Variants in TENM2 observed in about 807,000 individuals in gnomAD.
TENM2 encodes the protein teneurin transmembrane protein 2.
In TENM2, 52 loss-of-function variants were observed where a neutral mutation model predicts 245.2. That is an observed-to-expected ratio of 0.21 (90% CI 0.17 to 0.27). TENM2 has a LOEUF of 0.27. Ranked by LOEUF, TENM2 falls within the 10% of genes least tolerant of loss-of-function variation. The probability of loss-of-function intolerance (pLI) is 1.00; values close to 1 mark genes in which losing one functional copy is unlikely to be tolerated. For missense variants in TENM2, 3,046 were observed against 3,666.8 expected (o/e 0.83, Z 4.37); for synonymous variants, 1,363 against 1,438.9 (o/e 0.95, Z 1.19).
chr5:167,462,965 A>G lies in TENM2; in HGVS notation c.502+87492A>G, dbSNP rs62388836. Reference sequence around the variant, plus strand: ...GTAAATGACAAATGCAATGAACTCTATAGTCTTCAATGAGCCAAAAGCATA... The same window carrying G: ...GTAAATGACAAATGCAATGAACTCTGTAGTCTTCAATGAGCCAAAAGCATA... On this transcript the variant is annotated intron_variant, in intron 2 of 28. Transcript: ENST00000518659. Among the ~76,000 whole-genome samples the G allele has an allele frequency of 1.7e-3, 263 of 152,162 alleles. 1 individual carries two copies. Among genetic ancestry groups the G allele is most frequent in the Non-Finnish European group, 2.6e-3 (179 of 68,000 alleles).
At chr5:167,681,863 T>G (rs1366812222) in intron 2 of TENM2, among the ~76,000 whole-genome samples, 1 of 152,102 alleles carries the variant, frequency 6.6e-6, no homozygotes, top group African/African-American at 2.4e-5. Flanking sequence ...AGATGTTACT[T>G]CCAAATCACC....
At chr5:167,383,342 C>T (rs888116068) in intron 2 of TENM2, among the ~76,000 whole-genome samples, 6 of 152,126 alleles carry the variant, frequency 3.9e-5, no homozygotes, top group African/African-American at 1.4e-4. Flanking sequence ...GGTCATCTTA[C>T]ATCAAGGAGC....
intron 2 of TENM2, among the ~76,000 whole-genome samples, chr5:167,569,428 G>T (rs947331561): frequency 6.6e-6 from 1 of 152,052 alleles, no homozygotes; most frequent in African/African-American, 2.4e-5. Context: ...GAAGAACGGG[G>T]CACAAACCAG....
Position 168,244,744 on chromosome 5 carries a change from A to C in TENM2, c.5817+28A>C. On this transcript the variant is annotated intron_variant, in intron 26 of 28. Transcript: ENST00000518659. The surrounding 1 kb of genome is among the most constrained non-coding windows in gnomAD (Gnocchi z 4.9). ...AGGTGAACATGCTGCCCTGACAGCAAGGGCTTTCTGTTATTTCTGTTATTC... is the reference window on the plus strand; with the variant it reads ...AGGTGAACATGCTGCCCTGACAGCACGGGCTTTCTGTTATTTCTGTTATTC... The C allele has an allele frequency of 7.2e-7, 1 of 1,388,236 alleles. No homozygotes were observed. The highest frequency in any genetic ancestry group is 9.4e-7 in the Non-Finnish European group (1 of 1,058,240). 86.0% of individuals were successfully genotyped at this position (1,388,236 alleles called of 1,614,324 possible). A position where few individuals can be genotyped will look rare whatever the true frequency, so the allele number is the denominator to read the frequency against.
chr5:167,098,050 A>G, the TENM2 span, among the ~76,000 whole-genome samples: 56 of 152,066 alleles, frequency 3.7e-4, 1 homozygote, highest in Admixed American at 3.7e-3. Flanking sequence ...TCAGTCGTGC[A>G]TTTCTATACC....
intron 2 of TENM2, among the ~76,000 whole-genome samples, chr5:167,659,459 G>C (rs748448094): frequency 6.6e-6 from 1 of 152,056 alleles, no homozygotes; most frequent in Non-Finnish European, 1.5e-5. Context: ...CTGAAAATGT[G>C]GTTGAATACA....
intron 3 of TENM2, among the ~76,000 whole-genome samples, chr5:167,911,028 A>G (rs1776504618): frequency 6.6e-6 from 1 of 152,220 alleles, no homozygotes; most frequent in Admixed American, 6.5e-5. Context: ...AAAAAACGTA[A>G]ACTTCTTATT....
At chr5:167,888,118 G>A (rs1212451330) in intron 3 of TENM2, among the ~76,000 whole-genome samples, 3 of 152,158 alleles carry the variant, frequency 2.0e-5, no homozygotes, top group Non-Finnish European at 4.4e-5. Flanking sequence ...ATCCAAATAA[G>A]GTCACATTCC....
chr5:167,196,489 T>C, the TENM2 span, among the ~76,000 whole-genome samples: 1 of 147,630 alleles, frequency 6.8e-6, no homozygotes, highest in Non-Finnish European at 1.5e-5. Flanking sequence ...TATGTGTGTA[T>C]ATATATATGT....
chr5:167,579,141 A>G (rs1239762928), intron 2 of TENM2, among the ~76,000 whole-genome samples: 1 of 152,158 alleles, frequency 6.6e-6, no homozygotes, highest in Non-Finnish European at 1.5e-5. Flanking sequence ...TGCCCATGAC[A>G]TTCACACTTG....
At chr5:167,896,541 G>A (rs912190501) in intron 3 of TENM2, among the ~76,000 whole-genome samples, 6 of 152,084 alleles carry the variant, frequency 3.9e-5, no homozygotes, top group African/African-American at 9.7e-5. Context: ...TGATGAGGGC[G>A]GTACAAAGAG....
At chr5:167,564,009 T>C (rs1183325969) in intron 2 of TENM2, among the ~76,000 whole-genome samples, 1 of 152,210 alleles carries the variant, frequency 6.6e-6, no homozygotes, top group East Asian at 1.9e-4. Context: ...CTGTACTTAC[T>C]AAGTCTATCC....
intron 2 of TENM2, among the ~76,000 whole-genome samples, chr5:167,565,293 G>A (rs1409704519): frequency 1.3e-5 from 2 of 152,152 alleles, no homozygotes; most frequent in Admixed American, 1.3e-4. Flanking sequence ...ATTATTCAAC[G>A]AGTTTTCTGT....
At chr5:168,262,553 G>A (rs1368759488) in exon 29 of TENM2, 13 of 1,559,368 alleles carry the variant, frequency 8.3e-6, no homozygotes, top group South Asian at 2.4e-5. Context: ...CACCCTGGAC[G>A]AAGAGAAGGC....
intron 13 of TENM2, 66 bp from the exon 16 acceptor site, chr5:168,190,271 T>G: frequency 7.8e-7 from 1 of 1,274,992 alleles, no homozygotes; most frequent in Non-Finnish European, 1.1e-6. Flanking sequence ...AACAAAGGTG[T>G]TAGTGTCTCC....
At chr5:167,561,642 C>T (rs1428882241) in intron 2 of TENM2, among the ~76,000 whole-genome samples, 1 of 152,186 alleles carries the variant, frequency 6.6e-6, no homozygotes, top group Non-Finnish European at 1.5e-5. Flanking sequence ...ATTAATTTCC[C>T]AGGTACTACT....
the TENM2 span, among the ~76,000 whole-genome samples, chr5:167,150,215 T>TC: frequency 1.3e-5 from 2 of 152,162 alleles, no homozygotes; most frequent in African/African-American, 4.8e-5. Flanking sequence ...TCCTGTCTAT[T>TC]CCCCCTTTCC....
At chr5:168,207,340 T>C (rs1762430054) in intron 19 of TENM2, among the ~76,000 whole-genome samples, 1 of 152,136 alleles carries the variant, frequency 6.6e-6, no homozygotes, top group Admixed American at 6.5e-5. Context: ...TCTCGAGTTG[T>C]GGAGGCCACA....
chr5:168,197,834 A>G (rs1381004779), intron 15 of TENM2, among the ~76,000 whole-genome samples: 1 of 152,154 alleles, frequency 6.6e-6, no homozygotes, highest in Non-Finnish European at 1.5e-5. Flanking sequence ...TACAGGTAAT[A>G]CACCTCCATC....
Sources: gnomAD v4.1 joint callset for allele counts (sites outside exome capture counted in the v4.1 genomes callset) on GRCh38, gnomAD v4.1.1 for gene constraint, Gnocchi (gnomAD v3.1) non-coding constraint, MANE v1.5 for transcripts, NCBI Gene and HGNC (gene_info 2026-07-23, HGNC 2026-07-21) for gene names.